IFFO2: variants seen among roughly 807,000 people sequenced by gnomAD.
IFFO2 encodes the protein intermediate filament family orphan 2.
Under a neutral mutation model 53.5 loss-of-function variants are expected in IFFO2, and 19 were observed. The ratio of observed to expected loss-of-function variants is 0.36; its 90% CI spans 0.25 to 0.52. The LOEUF (loss-of-function observed/expected upper bound fraction) is 0.52, where lower values mean the gene tolerates loss of function less well. Ranked by LOEUF, IFFO2 falls within the 20% of genes least tolerant of loss-of-function variation. The pLI, the probability that IFFO2 is intolerant of heterozygous loss-of-function variation, is 0.94. For missense variants in IFFO2, 570 were observed against 727.4 expected (o/e 0.78, Z 2.49); for synonymous variants, 303 against 313.6 (o/e 0.97, Z 0.36).
At chr1:18,908,961 A>G (rs1935992179) in intron 8 of IFFO2, among the ~76,000 whole-genome samples, 1 of 152,056 alleles carries the variant, frequency 6.6e-6, no homozygotes, top group South Asian at 2.1e-4. Flanking sequence ...ATGTCTGGGC[A>G]TATAGTAGGT....
rs1936719627 is a variant in IFFO2, at chr1:18,955,920, A to C, written c.413T>G (p.Val138Gly). ...GCCGGGGGGCAGGCCGCCCAGGGCCACGGCATTGGCGTTGGCGCCGGCCGC... is the reference window on the plus strand; with the variant it reads ...GCCGGGGGGCAGGCCGCCCAGGGCCCCGGCATTGGCGTTGGCGCCGGCCGC... ...GAAAGANANA[V>G]ALGGLPPGGG... Residue 138 changes from valine (V) to glycine (G), a missense_variant, in exon 1 of 9, where the codon GTG (valine) becomes GGG (glycine). Transcript: ENST00000455833. 3.0e-6 allele frequency: 4 copies of C among 1,315,442 alleles called. No homozygotes were observed. The South Asian group carries it at 8.7e-5, about 29-fold the overall frequency. 81.5% of individuals were successfully genotyped at this position (1,315,442 alleles called of 1,614,324 possible).
At position 18,947,599 on chromosome 1, in the gene IFFO2, C is replaced by T. The variant is rs1310036455; in HGVS notation, c.665+8069G>A. On this transcript the variant is annotated intron_variant, in intron 1 of 8. Coordinates refer to ENST00000455833, the MANE Select transcript of IFFO2 (RefSeq NM_001136265.2). This position sits in a 1 kb window ranked among gnomAD's most constrained non-coding sequence, Gnocchi z 5.0. ...CCACCACCGGGTTTAAATGAGACCG[C>T]GTGGAAATCACCAGACGGGTCATAA... Among the ~76,000 whole-genome samples the T allele has an allele frequency of 2.6e-5, 4 of 152,094 alleles. No homozygotes were observed. Among genetic ancestry groups the T allele is most frequent in the Admixed American group, 2.0e-4 (3 of 15,286 alleles).
Position 18,916,868 on chromosome 1 carries a change from G to A in IFFO2, c.1103+35C>T, listed in dbSNP as rs746024046. 6.5e-7 allele frequency: 1 copy of A among 1,549,560 alleles called. No individual in the cohort carries two copies. Among genetic ancestry groups the A allele is most frequent in the South Asian group, 1.2e-5 (1 of 83,860 alleles). On this transcript the variant is annotated intron_variant, in intron 5 of 8. Coordinates refer to ENST00000455833, the MANE Select transcript of IFFO2 (RefSeq NM_001136265.2). This position sits in a 1 kb window ranked among gnomAD's most constrained non-coding sequence, Gnocchi z 4.3. ...ACCGCCCCTGTGCAAGCAATCCGGG[G>A]AAACGGAGAGTGTGCGGGCCACGGG...
At chr1:18,939,843 A>G (rs1936498241) in intron 1 of IFFO2, among the ~76,000 whole-genome samples, 1 of 152,180 alleles carries the variant, frequency 6.6e-6, no homozygotes, top group African/African-American at 2.4e-5. Context: ...AAAAGGCCAC[A>G]AGGACACTGG....
chr1:18,923,916 C>A (rs1391570171), intron 1 of IFFO2, among the ~76,000 whole-genome samples: 2 of 152,198 alleles, frequency 1.3e-5, no homozygotes, highest in African/African-American at 4.8e-5. Context: ...TGCACCCTCC[C>A]AACCCCACAT....
chr1:18,933,712 C>G (rs953955051), intron 1 of IFFO2, among the ~76,000 whole-genome samples: 4 of 152,230 alleles, frequency 2.6e-5, no homozygotes, highest in African/African-American at 4.8e-5. Flanking sequence ...GAGCCAAGAT[C>G]GCGCCACTGC....
At chr1:18,921,778 G>A (rs1265118135) in intron 1 of IFFO2, among the ~76,000 whole-genome samples, 1 of 152,110 alleles carries the variant, frequency 6.6e-6, no homozygotes, top group East Asian at 1.9e-4. Flanking sequence ...CGTTTACTAT[G>A]TGCCAAGCCC....
intron 1 of IFFO2, among the ~76,000 whole-genome samples, chr1:18,944,796 T>G (rs1208746668): frequency 6.6e-6 from 1 of 152,002 alleles, no homozygotes; most frequent in African/African-American, 2.4e-5. Context: ...GGACAGGATG[T>G]CCCTCAGAGC....
chr1:18,921,330 T>G (rs1235293946), intron 1 of IFFO2, among the ~76,000 whole-genome samples: 1 of 152,044 alleles, frequency 6.6e-6, no homozygotes, highest in African/African-American at 2.4e-5. Flanking sequence ...AACCAGAGTA[T>G]CAGGTGGTGG....
chr1:18,944,285 G>A (rs1936558466), intron 1 of IFFO2, among the ~76,000 whole-genome samples: 1 of 152,230 alleles, frequency 6.6e-6, no homozygotes, highest in Admixed American at 6.5e-5. Context: ...GAGGATGGAT[G>A]AGATGAGCTT....
chr1:18,944,707 T>C (rs1936564425), intron 1 of IFFO2, among the ~76,000 whole-genome samples: 2 of 152,048 alleles, frequency 1.3e-5, no homozygotes, highest in African/African-American at 2.4e-5. Flanking sequence ...CACACGTACA[T>C]ACATGCACAC....
rs150817735 is a variant in IFFO2, at chr1:18,941,907, C to T, written c.665+13761G>A. 8.4e-4 allele frequency among the ~76,000 whole-genome samples: 128 copies of T among 152,308 alleles called. 1 individual carries two copies. The East Asian group carries it at 0.021, about 25-fold the overall frequency. On this transcript the variant is annotated intron_variant, in intron 1 of 8. Transcript: ENST00000455833. ...CAGGCCCTCCTAGGAGCCACAGGCTCCAGGTGACACCCTGCACTGGACACA... is the reference window on the plus strand; with the variant it reads ...CAGGCCCTCCTAGGAGCCACAGGCTTCAGGTGACACCCTGCACTGGACACA...
rs1935952459 is a variant in IFFO2, at chr1:18,906,616, C to T, written c.*1945G>A. 1 of 152,196 alleles carries T rather than the reference C, an allele frequency of 6.6e-6. No individual in the cohort carries two copies. The highest frequency in any genetic ancestry group is 2.4e-5 in the African/African-American group (1 of 41,444). 9.4% of individuals were successfully genotyped at this position (152,196 alleles called of 1,614,324 possible). On this transcript the variant is annotated 3_prime_UTR_variant, in exon 9 of 9. Transcript: ENST00000455833. ...TTTGGTTAAAATAAAAATTCAACAA[C>T]AATAACAACAAGAATCAGGTATGTT...
rs1172955794 is a variant in IFFO2 at position 18,928,889 on chromosome 1, G to A, written c.666-7768C>T. Among the ~76,000 whole-genome samples, 1 of 152,218 alleles carries A rather than the reference G, an allele frequency of 6.6e-6. No individual in the cohort carries two copies. Among genetic ancestry groups the A allele is most frequent in the Non-Finnish European group, 1.5e-5 (1 of 68,042 alleles). On this transcript the variant is annotated intron_variant, in intron 1 of 8. Transcript: ENST00000455833. This position sits in a 1 kb window ranked among gnomAD's most constrained non-coding sequence, Gnocchi z 4.9. ...GAGTCCAGAAGTGGTGACAGCCTCAGGGATACCAACTCCATCCGGAGTTAT... is the reference window on the plus strand; with the variant it reads ...GAGTCCAGAAGTGGTGACAGCCTCAAGGATACCAACTCCATCCGGAGTTAT...
At chr1:18,914,360 G>A (rs897050966) in intron 5 of IFFO2, among the ~76,000 whole-genome samples, 5 of 152,138 alleles carry the variant, frequency 3.3e-5, no homozygotes, top group African/African-American at 1.2e-4. Context: ...ACAATGCCCT[G>A]GGGACTTTAT....
chr1:18,945,189 G>A (rs1936570316), intron 1 of IFFO2, among the ~76,000 whole-genome samples: 1 of 152,046 alleles, frequency 6.6e-6, no homozygotes, highest in South Asian at 2.1e-4. Flanking sequence ...AACTGGCTTG[G>A]GTACCTTCCA....
Position 18,912,098 on chromosome 1 carries a change from C to T in IFFO2, c.1104-15G>A, listed in dbSNP as rs1420687520. ...AGGTCTCCCGCCTGTGGGGGTGACA[C>T]CAGAGGGCATGACTGAACAGAAGGC... On this transcript the variant is annotated splice_polypyrimidine_tract_variant and intron_variant, in intron 5 of 8. Coordinates refer to ENST00000455833, the MANE Select transcript of IFFO2 (RefSeq NM_001136265.2). The T allele has an allele frequency of 6.4e-7, 1 of 1,551,388 alleles. No individual in the cohort carries two copies. Among genetic ancestry groups the T allele is most frequent in the Non-Finnish European group, 8.7e-7 (1 of 1,146,812 alleles).
chr1:18,926,054 TTGGTTGGATGGA>T (rs2148173746), intron 1 of IFFO2, among the ~76,000 whole-genome samples: 2 of 19,086 alleles, frequency 1.0e-4, no homozygotes, highest in African/African-American at 5.1e-4. Flanking sequence ...GATGGATGGA[TTGGTTGGATGGA>T]TGGATGGATG....
intron 1 of IFFO2, among the ~76,000 whole-genome samples, chr1:18,933,359 A>T (rs1328106839): frequency 1.3e-5 from 2 of 152,258 alleles, no homozygotes; most frequent in African/African-American, 4.8e-5. Flanking sequence ...ACCCAGGGGC[A>T]CGAGAAAGGA....
Sources: gnomAD v4.1 joint callset for allele counts (sites outside exome capture counted in the v4.1 genomes callset) on GRCh38, gnomAD v4.1.1 for gene constraint, Gnocchi (gnomAD v3.1) non-coding constraint, MANE v1.5 for transcripts, NCBI Gene and HGNC (gene_info 2026-07-23, HGNC 2026-07-21) for gene names.